The following ATRNL1 variants were observed in gnomAD, a reference collection of about 807,000 sequenced individuals.
ATRNL1 encodes the protein attractin like 1.
In ATRNL1, 95 loss-of-function variants were observed where a neutral mutation model predicts 182.7. That is an observed-to-expected ratio of 0.52 (90% CI 0.44 to 0.62). The LOEUF (loss-of-function observed/expected upper bound fraction) is 0.62. Among genes scored for constraint, ATRNL1 ranks in the 20% least tolerant of loss-of-function variants. ATRNL1 has a pLI of 0.00. For synonymous variants in ATRNL1, 576 were observed against 568.3 expected (o/e 1.01, Z -0.19); for missense variants, 1,471 against 1,679.5 (o/e 0.88, Z 2.17).
At chr10:115,231,554 GT>G (rs1280606870) in intron 9 of ATRNL1, among the ~76,000 whole-genome samples, 2 of 152,118 alleles carry the variant, frequency 1.3e-5, no homozygotes, top group Non-Finnish European at 2.9e-5. Context: ...AAATAATTAT[GT>G]TTGTAGGTTG....
chr10:115,234,536 C>G (rs1282029016), intron 9 of ATRNL1, among the ~76,000 whole-genome samples: 1 of 150,826 alleles, frequency 6.6e-6, no homozygotes, highest in Non-Finnish European at 1.5e-5. Context: ...TCAATTGTAC[C>G]AATATTTTTT....
rs989659835 is a variant in ATRNL1, at chr10:115,566,277, T to A, written c.3795+16741T>A. ...AATCAAAGTGCAAGAAATATGCTATTCTTAGAAGCTGGTTTTGTGTTATAT... is the reference window on the plus strand; with the variant it reads ...AATCAAAGTGCAAGAAATATGCTATACTTAGAAGCTGGTTTTGTGTTATAT... On this transcript the variant is annotated intron_variant, in intron 26 of 28. Transcript: ENST00000355044. 3.3e-5 allele frequency among the ~76,000 whole-genome samples: 5 copies of A among 152,198 alleles called. No individual in the cohort carries two copies. The South Asian group carries it at 1.0e-3, about 32-fold the overall frequency.
chr10:115,580,511 A>G (rs1222177519), intron 26 of ATRNL1, among the ~76,000 whole-genome samples: 1 of 152,046 alleles, frequency 6.6e-6, no homozygotes, highest in African/African-American at 2.4e-5. Flanking sequence ...CACTGCTTTC[A>G]AAATTCTCTC....
At chr10:115,505,930 C>T (rs1479390256) in intron 24 of ATRNL1, among the ~76,000 whole-genome samples, 2 of 151,096 alleles carry the variant, frequency 1.3e-5, no homozygotes, top group African/African-American at 4.9e-5. Context: ...GATTCAGGAA[C>T]CAAACCCAGG....
chr10:115,177,873 GTT>G (rs34650029), intron 8 of ATRNL1, among the ~76,000 whole-genome samples: 4 of 94,138 alleles, frequency 4.2e-5, no homozygotes, highest in Non-Finnish European at 4.3e-5. Flanking sequence ...AGGGAGCTGT[GTT>G]TTTTTTTTTT....
chr10:115,434,715 G>A (rs1264522924), intron 21 of ATRNL1, among the ~76,000 whole-genome samples: 2 of 151,808 alleles, frequency 1.3e-5, no homozygotes, highest in Non-Finnish European at 2.9e-5. Context: ...TTTCTGAAAG[G>A]CATGCATTCC....
intron 20 of ATRNL1, among the ~76,000 whole-genome samples, chr10:115,395,700 C>G (rs1247741563): frequency 1.3e-5 from 2 of 151,722 alleles, no homozygotes; most frequent in South Asian, 2.1e-4. Context: ...TGCTACTCTC[C>G]TCTCTGTACT....
Position 115,813,304 on chromosome 10 carries a change from T to C in ATRNL1, c.3904-34573T>C, listed in dbSNP as rs782278818. Among the ~76,000 whole-genome samples, 10 of 152,312 alleles carry C rather than the reference T, an allele frequency of 6.6e-5. No individual in the cohort carries two copies. In the South Asian group the frequency reaches 1.9e-3, roughly 28 times the overall value. On this transcript the variant is annotated intron_variant, in intron 27 of 28. Transcript: ENST00000355044. ...GACATCCCTGCAGGGATATGGGTTATTATGTATAGTCTGTCCAACTATAAT... is the reference window on the plus strand; with the variant it reads ...GACATCCCTGCAGGGATATGGGTTACTATGTATAGTCTGTCCAACTATAAT...
chr10:115,576,904 C>A (rs1281403996), intron 26 of ATRNL1, among the ~76,000 whole-genome samples: 5 of 151,668 alleles, frequency 3.3e-5, no homozygotes, highest in African/African-American at 9.7e-5. Context: ...TTAAGTTGAT[C>A]TTTGTGAATG....
At chr10:115,462,715 CTCAG>C (rs1166588743) in intron 22 of ATRNL1, among the ~76,000 whole-genome samples, 2 of 151,942 alleles carry the variant, frequency 1.3e-5, no homozygotes, top group Middle Eastern at 3.2e-3. Context: ...TGTCTTTTTT[CTCAG>C]TCAGTAGTTT....
In ATRNL1 at chr10:115,283,624, C is replaced by T. The variant is rs75060053; in HGVS notation, c.2233+2137C>T. ...GAAGTTGAAAGTGGTATTGGTCTCT[C>T]AGAATTAAACTATAAAATGAAAATG... On this transcript the variant is annotated intron_variant, in intron 14 of 28. Coordinates refer to ENST00000355044, the MANE Select transcript of ATRNL1 (RefSeq NM_207303.4). Among the ~76,000 whole-genome samples, 30 of 152,170 alleles carry T rather than the reference C, an allele frequency of 2.0e-4. No homozygotes were observed. The East Asian group carries it at 5.8e-3, about 29-fold the overall frequency.
At chr10:115,708,891 G>A (rs1310002102) in intron 26 of ATRNL1, among the ~76,000 whole-genome samples, 1 of 151,720 alleles carries the variant, frequency 6.6e-6, no homozygotes, top group Non-Finnish European at 1.5e-5. Flanking sequence ...GTCAAGACAA[G>A]ATTTAAATTA....
At chr10:115,159,268 T>C (rs1413791936) in intron 5 of ATRNL1, among the ~76,000 whole-genome samples, 6 of 151,506 alleles carry the variant, frequency 4.0e-5, no homozygotes, top group African/African-American at 9.7e-5. Flanking sequence ...TTAAAATACT[T>C]TGTGAGCCCT....
chr10:115,569,891 AC>A (rs1208021090), intron 26 of ATRNL1, among the ~76,000 whole-genome samples: 1 of 152,014 alleles, frequency 6.6e-6, no homozygotes, highest in Admixed American at 6.6e-5. Flanking sequence ...GGAGGCTGGG[AC>A]GTCTAAGATC....
rs572767528 is a variant in ATRNL1 at position 115,288,646 on chromosome 10, C to T, written c.2415+2249C>T. 2.6e-5 allele frequency among the ~76,000 whole-genome samples: 4 copies of T among 151,988 alleles called. No homozygotes were observed. In the South Asian group the frequency reaches 6.2e-4, roughly 24 times the overall value. On this transcript the variant is annotated intron_variant, in intron 15 of 28. Transcript: ENST00000355044. ...AAGCAATTCTTCCGCCTCAGCCTCC[C>T]GAGTAGCTGGGATTACAGGCGTGTG... is the stretch of plus-strand genomic sequence containing the variant.
intron 21 of ATRNL1, among the ~76,000 whole-genome samples, chr10:115,442,361 C>G (rs1022471923): frequency 6.8e-6 from 1 of 147,590 alleles, no homozygotes; most frequent in Admixed American, 6.9e-5. Flanking sequence ...CAATCAGGAA[C>G]TTTTTCACTG....
intron 26 of ATRNL1, among the ~76,000 whole-genome samples, chr10:115,663,423 A>G (rs1555038732): frequency 1.3e-5 from 2 of 152,076 alleles, no homozygotes; most frequent in African/African-American, 2.4e-5. Context: ...TATATCTTAA[A>G]TGCATTAAAA....
intron 25 of ATRNL1, among the ~76,000 whole-genome samples, chr10:115,528,762 T>C (rs1160204192): frequency 6.6e-6 from 1 of 152,150 alleles, no homozygotes; most frequent in African/African-American, 2.4e-5. Context: ...TGTTTATAAC[T>C]AAATTTCCCT....
At chr10:115,611,339 G>A (rs1048064992) in intron 26 of ATRNL1, among the ~76,000 whole-genome samples, 6 of 151,750 alleles carry the variant, frequency 4.0e-5, no homozygotes, top group South Asian at 2.1e-4. Flanking sequence ...TACTTATCTC[G>A]GGTTGTTTAG....
Sources: allele counts gnomAD v4.1 joint callset (sites outside exome capture counted in the v4.1 genomes callset), GRCh38; gene constraint gnomAD v4.1.1; transcripts MANE v1.5; gene names NCBI Gene and HGNC (gene_info 2026-07-23, HGNC 2026-07-21).